Variants in C5orf46 observed in about 807,000 individuals in gnomAD.
C5orf46 encodes chromosome 5 open reading frame 46, also known as uncharacterized protein C5orf46.
C5orf46 carries 9 observed loss-of-function variants against 8.9 expected under a neutral mutation model. That is an observed-to-expected ratio of 1.01 (90% confidence interval 0.61 to 1.76). The LOEUF is 1.76. Among genes scored for constraint, C5orf46 ranks in the 40% most tolerant of loss-of-function variants. C5orf46 has a pLI of 0.00. For synonymous variants in C5orf46, 47 were observed against 41.4 expected (o/e 1.14, Z -0.52); for missense variants, 98 against 107.8 (o/e 0.91, Z 0.40).
At chr5:147,886,208 A>G (rs1332741512) in intron 2 of C5orf46, 1 of 152,152 alleles carries the variant, frequency 6.6e-6, no homozygotes, top group Non-Finnish European at 1.5e-5. Flanking sequence ...TGAGTGTGTT[A>G]TATAAGAGCT....
downstream of C5orf46, among the ~76,000 whole-genome samples, chr5:147,890,505 A>G (rs1416186619): frequency 1.3e-5 from 2 of 152,224 alleles, no homozygotes; most frequent in African/African-American, 4.8e-5. Context: ...AAAGACATAT[A>G]TTAAAAAATA....
chr5:147,896,998 T>C lies in C5orf46; in HGVS notation c.259A>G (p.Lys87Glu). The change falls in exon 3 of 4, where the codon AAG becomes GAG. Residue 87 changes from lysine (K) to glutamate (E), a missense_variant. Coordinates refer to ENST00000318315, the MANE Select transcript of C5orf46 (RefSeq NM_206966.3). ...FDDNEGKHSS[K>E] is the part of the protein sequence containing the mutation. Reference sequence around the variant, plus strand: ...TGAAAAATCACCTGAGGATGTCACTTTGATGAATGTTTTCCTTCATTATCA... The same window carrying C: ...TGAAAAATCACCTGAGGATGTCACTCTGATGAATGTTTTCCTTCATTATCA... 1 of 1,507,216 alleles carries C rather than the reference T, an allele frequency of 6.6e-7. No homozygotes were observed. The highest frequency in any genetic ancestry group is 1.2e-5 in the South Asian group (1 of 83,736). The allele number at this position is 1,507,216 out of a possible 1,614,324, so 93.4% of individuals were successfully genotyped here.
chr5:147,893,395 C>T (rs1373040785), intron 3 of C5orf46, among the ~76,000 whole-genome samples: 3 of 148,178 alleles, frequency 2.0e-5, no homozygotes, highest in Non-Finnish European at 4.4e-5. Flanking sequence ...AGCGATTCTT[C>T]TGCCTCAGCC....
At chr5:147,890,096 C>A (rs887141725), downstream of C5orf46, among the ~76,000 whole-genome samples, 5 of 152,094 alleles carry the variant, frequency 3.3e-5, no homozygotes, top group African/African-American at 1.2e-4. Flanking sequence ...TCCGGATTTC[C>A]GAGGGAGCAT....
chr5:147,889,312 T>C (rs531241724), downstream of C5orf46, among the ~76,000 whole-genome samples: 6 of 152,278 alleles, frequency 3.9e-5, no homozygotes, highest in South Asian at 1.0e-3. Context: ...TGTGAATATG[T>C]TTGGATATGT....
At chr5:147,888,093 C>T (rs1757448277), downstream of C5orf46, among the ~76,000 whole-genome samples, 1 of 152,176 alleles carries the variant, frequency 6.6e-6, no homozygotes, top group Admixed American at 6.5e-5. Context: ...GCAACCATAT[C>T]CACTTGCATT....
At chr5:147,900,954 G>C (rs1360214983) in intron 2 of C5orf46, among the ~76,000 whole-genome samples, 1 of 152,208 alleles carries the variant, frequency 6.6e-6, no homozygotes, top group South Asian at 2.1e-4. Context: ...TTAGACACAG[G>C]CTTGGAAGCA....
downstream of C5orf46, among the ~76,000 whole-genome samples, chr5:147,891,860 T>C (rs1413681422): frequency 6.6e-6 from 1 of 152,218 alleles, no homozygotes; most frequent in African/African-American, 2.4e-5. Flanking sequence ...CAACATTTAG[T>C]AGGAATTCAC....
At chr5:147,890,125 G>T (rs1420458448), downstream of C5orf46, among the ~76,000 whole-genome samples, 1 of 152,076 alleles carries the variant, frequency 6.6e-6, no homozygotes, top group African/African-American at 2.4e-5. Flanking sequence ...CTTTGTGCTG[G>T]TTCCCATGTT....
chr5:147,890,842 A>AC (rs5872048), downstream of C5orf46, among the ~76,000 whole-genome samples: 18,875 of 152,250 alleles, frequency 0.12, 1,639 homozygotes, highest in African/African-American at 0.25. Context: ...GATCTTTGCC[A>AC]CATTGTAAAG....
chr5:147,895,199 T>G (rs1405208130), intron 3 of C5orf46, among the ~76,000 whole-genome samples: 3 of 152,132 alleles, frequency 2.0e-5, no homozygotes, highest in Non-Finnish European at 4.4e-5. Context: ...GAGGTGGGCA[T>G]CCAAGTGATC....
rs2304067 is a variant in C5orf46 at position 147,896,841 on chromosome 5, T to C, written c.*9+143A>G. On this transcript the variant is annotated intron_variant, in intron 3 of 3. Transcript: ENST00000318315. ...TAGAAACTTGTACATGAAAAAAATA[T>C]ATTCATTTATTTTTTTAAAATGTAC... The C allele has an allele frequency of 0.15, 64,627 of 428,938 alleles. 8,705 individuals are homozygous for C. The highest frequency in any genetic ancestry group is 0.51 in the African/African-American group (24,684 of 48,784). The allele number at this position is 428,938 out of a possible 1,614,324, so 26.6% of individuals were successfully genotyped here.
At chr5:147,896,561 C>T (rs1009721270) in intron 3 of C5orf46, among the ~76,000 whole-genome samples, 2 of 152,172 alleles carry the variant, frequency 1.3e-5, no homozygotes, top group African/African-American at 2.4e-5. Flanking sequence ...ATATATCTAA[C>T]TGCGTGAGAT....
intron 1 of C5orf46, among the ~76,000 whole-genome samples, chr5:147,902,727 C>T (rs1170597698): frequency 6.6e-6 from 1 of 152,180 alleles, no homozygotes; most frequent in Admixed American, 6.5e-5. Context: ...TGATGAGCTG[C>T]ACAGTCTTTG....
chr5:147,904,192 A>G (rs1031977211), intron 1 of C5orf46, among the ~76,000 whole-genome samples: 5 of 152,196 alleles, frequency 3.3e-5, no homozygotes, highest in Admixed American at 6.5e-5. Context: ...AAGGAGGCGG[A>G]AGCGGAACTC....
chr5:147,887,365 C>T (rs1310762796), intron 2 of C5orf46: 1 of 152,102 alleles, frequency 6.6e-6, no homozygotes, highest in African/African-American at 2.4e-5. Flanking sequence ...TGATGCTCCC[C>T]CTTTCTAGTA....
intron 2 of C5orf46, among the ~76,000 whole-genome samples, chr5:147,897,681 T>A (rs2127128066): frequency 6.6e-6 from 1 of 152,316 alleles, no homozygotes; most frequent in Middle Eastern, 3.4e-3. Context: ...TATGAAGATT[T>A]CTGCAAAGGA....
chr5:147,889,320 T>C (rs1180195824), downstream of C5orf46, among the ~76,000 whole-genome samples: 2 of 152,188 alleles, frequency 1.3e-5, no homozygotes, highest in African/African-American at 4.8e-5. Flanking sequence ...TGTTTGGATA[T>C]GTTTGAACAG....
intron 2 of C5orf46, among the ~76,000 whole-genome samples, chr5:147,899,369 C>A (rs1230525436): frequency 3.9e-5 from 6 of 152,182 alleles, no homozygotes; most frequent in Admixed American, 3.9e-4. Flanking sequence ...TGCTTATGGT[C>A]TTCCCTTGAG....
Sources: allele counts gnomAD v4.1 joint callset (sites outside exome capture counted in the v4.1 genomes callset), GRCh38; gene constraint gnomAD v4.1.1; transcripts MANE v1.5; gene names NCBI Gene and HGNC (gene_info 2026-07-23, HGNC 2026-07-21).